CSNK1E: variants seen among roughly 807,000 people sequenced by gnomAD.
CSNK1E encodes casein kinase I isoform epsilon.
CSNK1E carries 17 observed loss-of-function variants against 46.1 expected under a neutral mutation model. The ratio of observed to expected loss-of-function variants is 0.37; its 90% CI spans 0.25 to 0.55. The LOEUF is 0.55. Ranked by LOEUF, CSNK1E falls within the 20% of genes least tolerant of loss-of-function variation. The probability of loss-of-function intolerance (pLI) is 0.82; values close to 1 mark genes in which losing one functional copy is unlikely to be tolerated. For synonymous variants in CSNK1E, 241 were observed against 242.6 expected (o/e 0.99, Z 0.06); for missense variants, 386 against 595.4 (o/e 0.65, Z 3.66).
Position 38,298,321 on chromosome 22 carries a change from A to C in CSNK1E, c.885+465T>G. ...ACCCCTGGGACTCTTAAAAGAGGGA[A>C]ACAGAACAACTGCCTAGCCAGACCC... On this transcript the variant is annotated intron_variant, in intron 7 of 10. Coordinates refer to ENST00000396832, the MANE Select transcript of CSNK1E (RefSeq NM_152221.3). This position sits in a 1 kb window ranked among gnomAD's most constrained non-coding sequence, Gnocchi z 4.2. The C allele has an allele frequency of 1.4e-6, 1 of 700,196 alleles. No individual in the cohort carries two copies. The highest frequency in any genetic ancestry group is 2.1e-6 in the Non-Finnish European group (1 of 475,884). 43.4% of individuals were successfully genotyped at this position (700,196 alleles called of 1,614,324 possible). A position where few individuals can be genotyped will look rare whatever the true frequency, so the allele number is the denominator to read the frequency against.
At chr22:38,292,825 T>G (rs966767378) in intron 10 of CSNK1E, 4 of 188,484 alleles carry the variant, frequency 2.1e-5, no homozygotes, top group African/African-American at 9.6e-5. Context: ...AAGGGCTCCT[T>G]TGCTTCCTCC....
In CSNK1E at chr22:38,300,005, C is replaced by A; in HGVS notation, c.626G>T (p.Gly209Val). Residue 209 changes from glycine to valine, a missense_variant, in exon 6 of 11, where the codon GGC becomes GTC. By Grantham distance (109) the Gly-to-Val change is moderately radical. Transcript: ENST00000396832. The surrounding 1 kb of genome is among the most constrained non-coding windows in gnomAD (Gnocchi z 4.4). ...LGYVLMYFNLGSLPWQGLKAA... is the reference protein window; with the variant it reads ...LGYVLMYFNLVSLPWQGLKAA... ...TTTGAGCCCCTGCCAGGGCAGGGAGCCCAGGTTGAAGTACATGAGCACGTA... is the reference window on the plus strand; with the variant it reads ...TTTGAGCCCCTGCCAGGGCAGGGAGACCAGGTTGAAGTACATGAGCACGTA... 1.2e-6 allele frequency: 2 copies of A among 1,614,156 alleles called. No individual in the cohort carries two copies. Among genetic ancestry groups the A allele is most frequent in the Non-Finnish European group, 1.7e-6 (2 of 1,180,014 alleles).
At chr22:38,314,335 G>C (rs976766393) in intron 1 of CSNK1E, among the ~76,000 whole-genome samples, 166 bp from the exon 2 acceptor site, 1 of 152,248 alleles carries the variant, frequency 6.6e-6, no homozygotes, top group Non-Finnish European at 1.5e-5. Context: ...CACACCTGGG[G>C]AACAGCTAAG....
chr22:38,299,076 T>C, intron 6 of CSNK1E, 142 bp from the exon 7 acceptor site: 3 of 890,110 alleles, frequency 3.4e-6, no homozygotes, highest in Non-Finnish European at 5.2e-6. Flanking sequence ...AACAGAGCCA[T>C]GGCCTTCCCT....
At chr22:38,317,498 C>G (rs2092755010), upstream of CSNK1E, 1 of 150,080 alleles carries the variant, frequency 6.7e-6, no homozygotes. Flanking sequence ...ATCCCCGGCC[C>G]GCCGCCGCCG....
rs763431493 is a variant in CSNK1E at position 38,300,737 on chromosome 22, C to T, written c.552G>A (p.Thr184=). Residue 184 remains threonine, a synonymous_variant, in exon 5 of 11, where the codon ACG becomes ACA. Transcript: ENST00000396832. The surrounding 1 kb of genome is among the most constrained non-coding windows in gnomAD (Gnocchi z 4.4). ...TGGCTCCCTCACCAATGCCCAGGTG[C>T]GTGTTGATGGAAGCGTAGCGGGCCG... ...TGTARYASIN[T]HLGIEQSRRD... 1.9e-5 allele frequency: 31 copies of T among 1,613,980 alleles called. No homozygotes were observed. Among genetic ancestry groups the T allele is most frequent in the Non-Finnish European group, 2.5e-5 (29 of 1,179,978 alleles).
At chr22:38,299,871 G>T in intron 6 of CSNK1E, 24 bp downstream of exon 6, 1 of 1,609,038 alleles carries the variant, frequency 6.2e-7, no homozygotes, top group Non-Finnish European at 8.5e-7. Context: ...CCCCAGGCAT[G>T]TCCCCTCCCA....
At position 38,300,085 on chromosome 22, in the gene CSNK1E, C is replaced by A; in HGVS notation, c.566-20G>T. ...TTTGCTCTGCACAGAGAGTCAAAGACTAGGTGAGGGACAGGGGTCCACTCA... is the reference window on the plus strand; with the variant it reads ...TTTGCTCTGCACAGAGAGTCAAAGAATAGGTGAGGGACAGGGGTCCACTCA... On this transcript the variant is annotated intron_variant, in intron 5 of 10. Coordinates refer to ENST00000396832, the MANE Select transcript of CSNK1E (RefSeq NM_152221.3). The surrounding 1 kb of genome is among the most constrained non-coding windows in gnomAD (Gnocchi z 4.4). 1.2e-6 allele frequency: 2 copies of A among 1,610,208 alleles called. No individual in the cohort carries two copies. The highest frequency in any genetic ancestry group is 1.7e-6 in the Non-Finnish European group (2 of 1,177,528).
At position 38,294,629 on chromosome 22, in the gene CSNK1E, G is replaced by A; in HGVS notation, c.886-95C>T. ...AGGGCACAGAAGGGGAGGGAGGCCAGGTGGATATCTCAGAAACCTTCTGCT... is the reference window on the plus strand; with the variant it reads ...AGGGCACAGAAGGGGAGGGAGGCCAAGTGGATATCTCAGAAACCTTCTGCT... On this transcript the variant is annotated intron_variant, in intron 7 of 10. Coordinates refer to ENST00000396832, the MANE Select transcript of CSNK1E (RefSeq NM_152221.3). The surrounding 1 kb of genome is among the most constrained non-coding windows in gnomAD (Gnocchi z 5.5). 8.2e-7 allele frequency: 1 copy of A among 1,216,734 alleles called. No homozygotes were observed. Among genetic ancestry groups the A allele is most frequent in the African/African-American group, 1.6e-5 (1 of 64,452 alleles). 75.4% of individuals were successfully genotyped at this position (1,216,734 alleles called of 1,614,324 possible).
intron 1 of CSNK1E, among the ~76,000 whole-genome samples, chr22:38,314,595 T>C (rs367728624): frequency 1.5e-4 from 23 of 152,272 alleles, no homozygotes; most frequent in Middle Eastern, 3.4e-3. Context: ...CATCCCCTAC[T>C]GGGGGGAAGG....
At position 38,298,552 on chromosome 22, in the gene CSNK1E, C is replaced by T; in HGVS notation, c.885+234G>A. 1.9e-6 allele frequency: 1 copy of T among 534,514 alleles called. No homozygotes were observed. The highest frequency in any genetic ancestry group is 3.2e-5 in the Admixed American group (1 of 31,354). The allele number at this position is 534,514 out of a possible 1,614,324, so 33.1% of individuals were successfully genotyped here. On this transcript the variant is annotated intron_variant, in intron 7 of 10. Coordinates refer to ENST00000396832, the MANE Select transcript of CSNK1E (RefSeq NM_152221.3). This position sits in a 1 kb window ranked among gnomAD's most constrained non-coding sequence, Gnocchi z 4.2. ...GGGACCCCAGGTGAAGCCAGATCCT[C>T]CTTGTTCCGACGGGAGACAGCGCCC...
chr22:38,315,126 C>T (rs1167807567), intron 1 of CSNK1E, among the ~76,000 whole-genome samples: 1 of 152,220 alleles, frequency 6.6e-6, no homozygotes, highest in Non-Finnish European at 1.5e-5. Flanking sequence ...CTGTCCCACA[C>T]CACCCTGCAG....
Position 38,298,885 on chromosome 22 carries a change from G to C in CSNK1E, c.786C>G (p.Asp262Glu), listed in dbSNP as rs2092655965. The C allele has an allele frequency of 6.2e-7, 1 of 1,614,200 alleles. No individual in the cohort carries two copies. The highest frequency in any genetic ancestry group is 8.5e-7 in the Non-Finnish European group (1 of 1,180,032). The change falls in exon 7 of 11, where the codon GAC becomes GAG. Residue 262 changes from aspartate (D) to glutamate (E), a missense_variant. Asp to Glu is a conservative substitution (Grantham distance 45). Coordinates refer to ENST00000396832, the MANE Select transcript of CSNK1E (RefSeq NM_152221.3). This position sits in a 1 kb window ranked among gnomAD's most constrained non-coding sequence, Gnocchi z 4.2. ...LNFCRSLRFD[D>E]KPDYSYLRQL... is the part of the protein sequence containing the mutation. ...GACGTAGGTAAGAGTAGTCGGGCTT[G>C]TCGTCAAACCGCAGGGAGCGGCAGA... is the stretch of plus-strand genomic sequence containing the variant.
At chr22:38,316,637 G>C (rs2092747345) in intron 1 of CSNK1E, 2 of 152,178 alleles carry the variant, frequency 1.3e-5, no homozygotes, top group Admixed American at 6.5e-5. Flanking sequence ...AAACAAATCA[G>C]TGGCCTGGTG....
intron 4 of CSNK1E, 130 bp from the exon 5 acceptor site, chr22:38,301,082 T>A: frequency 2.7e-6 from 2 of 734,776 alleles, no homozygotes; most frequent in Non-Finnish European, 4.6e-6. Flanking sequence ...GAAGGATAAC[T>A]AAGGGGCAGG....
chr22:38,303,259 C>A lies in CSNK1E; in HGVS notation c.77-11G>T, dbSNP rs748745832. 3.8e-6 allele frequency: 6 copies of A among 1,589,946 alleles called. No individual in the cohort carries two copies. Among genetic ancestry groups the A allele is most frequent in the Non-Finnish European group, 8.6e-7 (1 of 1,169,216 alleles). The stretch of plus-strand genomic sequence containing the variant: ...AGGCGATGTTGGCACCTGCCCGGGG[C>A]AGGGAGGCAAGGGACCAGGGTCACC... On this transcript the variant is annotated splice_polypyrimidine_tract_variant and intron_variant, in intron 2 of 10. Coordinates refer to ENST00000396832, the MANE Select transcript of CSNK1E (RefSeq NM_152221.3). The surrounding 1 kb of genome is among the most constrained non-coding windows in gnomAD (Gnocchi z 4.7).
Position 38,291,673 on chromosome 22 carries a change from G to A in CSNK1E, c.*298C>T, listed in dbSNP as rs1052827070. The stretch of plus-strand genomic sequence containing the variant: ...GTGGTGGGTGGGGGCAGGAACAGGA[G>A]GCCGGGCAGGCCCTGGCGTCTGGCT... On this transcript the variant is annotated 3_prime_UTR_variant, in exon 11 of 11. Coordinates refer to ENST00000396832, the MANE Select transcript of CSNK1E (RefSeq NM_152221.3). 1 of 152,278 alleles carries A rather than the reference G, an allele frequency of 6.6e-6. No homozygotes were observed. The highest frequency in any genetic ancestry group is 2.4e-5 in the African/African-American group (1 of 41,416). The allele number at this position is 152,278 out of a possible 1,614,324, so 9.4% of individuals were successfully genotyped here.
intron 2 of CSNK1E, among the ~76,000 whole-genome samples, chr22:38,311,205 C>G (rs2092719480): frequency 6.6e-6 from 1 of 152,228 alleles, no homozygotes; most frequent in East Asian, 1.9e-4. Flanking sequence ...GACCTCATTA[C>G]TTTGCACGAC....
At chr22:38,314,319 A>C (rs1245458900) in intron 1 of CSNK1E, 150 bp from the exon 2 acceptor site, 2 of 634,284 alleles carry the variant, frequency 3.2e-6, no homozygotes, top group African/African-American at 3.6e-5. Context: ...CACAGCCTGC[A>C]CTCCACACAC....
Sources: gnomAD v4.1 joint callset for allele counts (sites outside exome capture counted in the v4.1 genomes callset) on GRCh38, gnomAD v4.1.1 for gene constraint, Gnocchi (gnomAD v3.1) non-coding constraint, MANE v1.5 for transcripts, NCBI Gene and HGNC (gene_info 2026-07-23, HGNC 2026-07-21) for gene names.